The following BCL11A variants were observed in gnomAD, a reference collection of about 807,000 sequenced individuals.
The protein encoded by BCL11A is BCL11 transcription factor A.
BCL11A carries 2 observed loss-of-function variants against 55.9 expected under a neutral mutation model. That is an observed-to-expected ratio of 0.04 (90% CI 0.01 to 0.11). BCL11A has a LOEUF of 0.11. BCL11A is among the 10% of genes least tolerant of loss of function. The pLI is 1.00. For synonymous variants in BCL11A, 465 were observed against 473.4 expected, an observed-to-expected ratio of 0.98 and a Z score of 0.23; for missense variants, 817 against 1,137.1, an observed-to-expected ratio of 0.72 and a Z score of 4.05.
intron 2 of BCL11A, among the ~76,000 whole-genome samples, chr2:60,540,210 T>C (rs1273835404): frequency 6.6e-6 from 1 of 152,006 alleles, no homozygotes. Context: ...AGCAGAAAGG[T>C]ACTAAAGATG....
downstream of BCL11A, chr2:60,452,884 C>T (rs1675784977): frequency 2.3e-5 from 11 of 487,962 alleles, no homozygotes; most frequent in South Asian, 1.8e-4. Flanking sequence ...CCCTTCCGTC[C>T]CCCCAAGGAG....
At chr2:60,485,666 G>A (rs548098858) in intron 2 of BCL11A, among the ~76,000 whole-genome samples, 32 of 152,356 alleles carry the variant, frequency 2.1e-4, no homozygotes, top group African/African-American at 7.5e-4. Context: ...ACCTAGATAT[G>A]AGAAACAACG....
rs1675981641 is a variant in BCL11A at position 60,457,226 on chromosome 2, G to C, written c.*3178C>G. The C allele has an allele frequency of 9.9e-7, 1 of 1,009,686 alleles. No individual in the cohort carries two copies. The highest frequency in any genetic ancestry group is 1.2e-6 in the Non-Finnish European group (1 of 843,528). The allele number at this position is 1,009,686 out of a possible 1,614,324, so 62.5% of individuals were successfully genotyped here. On this transcript the variant is annotated 3_prime_UTR_variant, in exon 4 of 4. Coordinates refer to ENST00000642384, the MANE Select transcript of BCL11A (RefSeq NM_022893.4). ...TAATTTTTTTTATTTTTTCAATAAA[G>C]GGACAAAATGGGTGTATGAACAGGT...
downstream of BCL11A, chr2:60,452,845 A>G: frequency 1.8e-6 from 1 of 557,496 alleles, no homozygotes; most frequent in Non-Finnish European, 3.2e-6. Flanking sequence ...AGTATCTCTG[A>G]CCTCTGAGTC....
chr2:60,457,426 C>T lies in BCL11A; in HGVS notation c.*2978G>A. On this transcript the variant is annotated 3_prime_UTR_variant, in exon 4 of 4. Coordinates refer to ENST00000642384, the MANE Select transcript of BCL11A (RefSeq NM_022893.4). ...TCAAATTAAGTGCCTCTGTTTTGAACAGGGCACATAAGCAATAATAAATAG... is the reference window on the plus strand; with the variant it reads ...TCAAATTAAGTGCCTCTGTTTTGAATAGGGCACATAAGCAATAATAAATAG... 1.9e-6 allele frequency: 2 copies of T among 1,031,956 alleles called. No homozygotes were observed. The highest frequency in any genetic ancestry group is 9.3e-5 in the South Asian group (2 of 21,594). The allele number at this position is 1,031,956 out of a possible 1,614,324, so 63.9% of individuals were successfully genotyped here. A position where few individuals can be genotyped will look rare whatever the true frequency, so the allele number is the denominator to read the frequency against.
chr2:60,487,886 C>T (rs756923108), intron 2 of BCL11A, among the ~76,000 whole-genome samples: 1 of 152,202 alleles, frequency 6.6e-6, no homozygotes, highest in African/African-American at 2.4e-5. Context: ...ACAGCTGGCA[C>T]AAACACAAAA....
chr2:60,522,764 T>A (rs1261183875), intron 2 of BCL11A: 1 of 152,298 alleles, frequency 6.6e-6, no homozygotes, highest in Non-Finnish European at 1.5e-5. Context: ...TTCATTTGTC[T>A]TGGAAGAAAG....
intron 2 of BCL11A, among the ~76,000 whole-genome samples, chr2:60,507,371 A>G (rs1387803171): frequency 1.8e-4 from 5 of 27,858 alleles, no homozygotes; most frequent in African/African-American, 1.5e-3. Flanking sequence ...AGGGAAGGGA[A>G]GGGAAGGGAG....
rs1675981352 is a variant in BCL11A at position 60,457,219 on chromosome 2, C to T, written c.*3185G>A. The T allele has an allele frequency of 7.9e-6, 8 of 1,007,160 alleles. No homozygotes were observed. The highest frequency in any genetic ancestry group is 9.5e-6 in the Non-Finnish European group (8 of 842,050). 62.4% of individuals were successfully genotyped at this position (1,007,160 alleles called of 1,614,324 possible). ...TGTACTTTAATTTTTTTTATTTTTT[C>T]AATAAAGGGACAAAATGGGTGTATG... is the stretch of plus-strand genomic sequence containing the variant. On this transcript the variant is annotated 3_prime_UTR_variant, in exon 4 of 4. Coordinates refer to ENST00000642384, the MANE Select transcript of BCL11A (RefSeq NM_022893.4).
At chr2:60,550,472 T>C (rs541951767) in intron 1 of BCL11A, among the ~76,000 whole-genome samples, 1 of 151,482 alleles carries the variant, frequency 6.6e-6, no homozygotes, top group Non-Finnish European at 1.5e-5. Flanking sequence ...GGGGAGGCTC[T>C]GGTACAGGTT....
intron 2 of BCL11A, among the ~76,000 whole-genome samples, chr2:60,524,253 G>A (rs1048809110): frequency 6.6e-6 from 1 of 152,210 alleles, no homozygotes; most frequent in African/African-American, 2.4e-5. Context: ...ACAATAAGAG[G>A]TGGGGGAGAA....
chr2:60,503,803 A>G (rs948809380), intron 2 of BCL11A, among the ~76,000 whole-genome samples: 3 of 152,234 alleles, frequency 2.0e-5, no homozygotes, highest in Non-Finnish European at 4.4e-5. Flanking sequence ...GCAAGGGACA[A>G]TATTCTGGAT....
chr2:60,479,424 C>T (rs1252131416), intron 2 of BCL11A, among the ~76,000 whole-genome samples: 3 of 152,212 alleles, frequency 2.0e-5, no homozygotes, highest in Non-Finnish European at 4.4e-5. Context: ...ATGAGGCTGA[C>T]CAGAGGCCAC....
chr2:60,548,249 C>T lies in BCL11A; in HGVS notation c.56-1949G>A, dbSNP rs552064530. Among the ~76,000 whole-genome samples the T allele has an allele frequency of 7.4e-5, 11 of 149,500 alleles. No homozygotes were observed. In the South Asian group the frequency reaches 2.3e-3, roughly 32 times the overall value. Reference sequence around the variant, plus strand: ...CTGAGGTTTACAGACTGAAGGAAGACTTAGGAAAATATTTTATCAAACTTA... The same window carrying T: ...CTGAGGTTTACAGACTGAAGGAAGATTTAGGAAAATATTTTATCAAACTTA... On this transcript the variant is annotated intron_variant, in intron 1 of 3. Transcript: ENST00000642384.
At chr2:60,487,416 T>C (rs1047351809) in intron 2 of BCL11A, among the ~76,000 whole-genome samples, 3 of 152,074 alleles carry the variant, frequency 2.0e-5, no homozygotes, top group Admixed American at 2.0e-4. Flanking sequence ...TTTCGTCATC[T>C]GTATGGAAAT....
chr2:60,498,942 A>AGGT (rs1249523979), intron 2 of BCL11A, among the ~76,000 whole-genome samples: 5 of 84,904 alleles, frequency 5.9e-5, no homozygotes, highest in Admixed American at 5.7e-4. Context: ...AACAGGAAGC[A>AGGT]GGTGGTGGTG....
At chr2:60,473,577 A>T (rs1231111711) in intron 2 of BCL11A, among the ~76,000 whole-genome samples, 1 of 152,202 alleles carries the variant, frequency 6.6e-6, no homozygotes, top group Non-Finnish European at 1.5e-5. Context: ...CACACAAATA[A>T]CAACAGTGCA....
intron 2 of BCL11A, among the ~76,000 whole-genome samples, chr2:60,540,615 G>C (rs1020921993): frequency 4.6e-5 from 7 of 152,124 alleles, no homozygotes; most frequent in Non-Finnish European, 1.0e-4. Flanking sequence ...CCTAGGATTT[G>C]CATGTTTTTT....
At position 60,468,076 on chromosome 2, in the gene BCL11A, G is replaced by A. The variant is rs577172571; in HGVS notation, c.487+656C>T. On this transcript the variant is annotated intron_variant, in intron 3 of 3. Coordinates refer to ENST00000642384, the MANE Select transcript of BCL11A (RefSeq NM_022893.4). The stretch of plus-strand genomic sequence containing the variant: ...TGGTGGTGATGGTGGTGGTGGTAGT[G>A]ATGGTGGTGGTTGTGGTGGTGGTGG... Among the ~76,000 whole-genome samples the A allele has an allele frequency of 1.2e-4, 18 of 147,042 alleles. No homozygotes were observed. In the South Asian group the frequency reaches 3.8e-3, roughly 31 times the overall value.
Sources: gnomAD v4.1 joint callset for allele counts (sites outside exome capture counted in the v4.1 genomes callset) on GRCh38, gnomAD v4.1.1 for gene constraint, MANE v1.5 for transcripts, NCBI Gene and HGNC (gene_info 2026-07-23, HGNC 2026-07-21) for gene names.